Variants in TBL1X observed in about 807,000 individuals in gnomAD.
TBL1X encodes F-box-like/WD repeat-containing protein TBL1X.
Under a neutral mutation model 50.7 loss-of-function variants are expected in TBL1X, and 10 were observed. That is an observed-to-expected ratio of 0.20 (90% confidence interval 0.12 to 0.33). The LOEUF (loss-of-function observed/expected upper bound fraction) is 0.33. Among genes scored for constraint, TBL1X ranks in the 10% least tolerant of loss-of-function variants. The pLI is 1.00. For missense variants in TBL1X, 340 were observed against 504.4 expected, an observed-to-expected ratio of 0.67 and a Z score of 3.12; for synonymous variants, 190 against 214.7, an observed-to-expected ratio of 0.88 and a Z score of 1.01.
chrX:9,660,058 G>C (rs970491576), intron 5 of TBL1X, among the ~76,000 whole-genome samples: 4 of 112,720 alleles, frequency 3.5e-5, no homozygotes, highest in African/African-American at 1.3e-4. Flanking sequence ...AGCCTCATCA[G>C]CCCTCCGGTG....
At chrX:9,641,743 G>A (rs1201116371) in intron 3 of TBL1X, among the ~76,000 whole-genome samples, 2 of 112,551 alleles carry the variant, frequency 1.8e-5, no homozygotes, top group Non-Finnish European at 3.8e-5. Context: ...TTTTCACTCA[G>A]TATAATGTTT....
chrX:9,465,043 C>T (rs1277572356), upstream of TBL1X: 1 of 109,089 alleles, frequency 9.2e-6, no homozygotes, highest in African/African-American at 3.3e-5. Flanking sequence ...GGCGGTCCTC[C>T]TGGCTGGGGT....
intron 5 of TBL1X, among the ~76,000 whole-genome samples, chrX:9,675,946 G>A (rs2082991649): frequency 9.0e-6 from 1 of 110,717 alleles, no homozygotes; most frequent in Admixed American, 9.5e-5. Context: ...AAAGGGACTG[G>A]AAGAAATCCC....
At chrX:9,540,561 G>A (rs760395569) in intron 2 of TBL1X, among the ~76,000 whole-genome samples, 14 of 112,687 alleles carry the variant, frequency 1.2e-4, no homozygotes, top group Admixed American at 2.8e-4. Flanking sequence ...GCTTGTTAGC[G>A]CGGAGCTGGG....
At chrX:9,630,468 A>G (rs1232126177) in intron 2 of TBL1X, among the ~76,000 whole-genome samples, 3 of 112,367 alleles carry the variant, frequency 2.7e-5, no homozygotes, top group African/African-American at 9.7e-5. Context: ...TCCTATTTGC[A>G]TATAAACTAT....
intron 11 of TBL1X, among the ~76,000 whole-genome samples, chrX:9,695,618 A>T (rs945537720): frequency 1.8e-5 from 2 of 112,187 alleles, no homozygotes; most frequent in Non-Finnish European, 3.8e-5. Context: ...GGTACTGCCA[A>T]GATAGGAGGC....
intron 2 of TBL1X, among the ~76,000 whole-genome samples, chrX:9,522,697 G>A (rs1164502664): frequency 3.6e-5 from 4 of 111,803 alleles, no homozygotes; most frequent in Non-Finnish European, 7.5e-5. Context: ...ATTAATTAGT[G>A]AAGGAAAGCT....
chrX:9,589,710 G>A (rs764337056), intron 2 of TBL1X, among the ~76,000 whole-genome samples: 1 of 111,575 alleles, frequency 9.0e-6, no homozygotes, highest in African/African-American at 3.3e-5. Flanking sequence ...TACCCGTAAA[G>A]CAAACTATTT....
At position 9,697,498 on chromosome X, in the gene TBL1X, C is replaced by A; in HGVS notation, c.1114+69C>A. 3 of 1,190,116 alleles carry A rather than the reference C, an allele frequency of 2.5e-6. No individual in the cohort carries two copies. In the South Asian group the frequency reaches 5.5e-5, roughly 22 times the overall value. ...TCAAAAATAATAATTCAGGTCGAGC[C>A]CAGTGGCTTACGCCTGTAATCCCAG... is the stretch of plus-strand genomic sequence containing the variant. On this transcript the variant is annotated intron_variant, in intron 12 of 17. Transcript: ENST00000645353.
intron 2 of TBL1X, among the ~76,000 whole-genome samples, chrX:9,588,033 G>A (rs1005779335): frequency 4.5e-5 from 5 of 111,573 alleles, no homozygotes; most frequent in African/African-American, 1.6e-4. Flanking sequence ...TCATATCCAC[G>A]AGTTCTGCTT....
intron 2 of TBL1X, among the ~76,000 whole-genome samples, chrX:9,592,204 T>C (rs1601780430): frequency 8.9e-6 from 1 of 111,985 alleles, no homozygotes; most frequent in South Asian, 3.8e-4. Flanking sequence ...CTTCCCTTCA[T>C]TTATTTCCAT....
chrX:9,676,370 G>T (rs916042046), intron 5 of TBL1X, among the ~76,000 whole-genome samples: 1 of 111,949 alleles, frequency 8.9e-6, no homozygotes. Context: ...GCCCGCCATT[G>T]CCCTGGGAGG....
At chrX:9,629,082 T>A (rs1470850024) in intron 2 of TBL1X, among the ~76,000 whole-genome samples, 2 of 112,366 alleles carry the variant, frequency 1.8e-5, no homozygotes, top group South Asian at 3.7e-4. Context: ...TTCTTCTGCA[T>A]GTTAGTTGTC....
At chrX:9,715,947 G>T (rs1217249631) in intron 17 of TBL1X, among the ~76,000 whole-genome samples, 1 of 112,182 alleles carries the variant, frequency 8.9e-6, no homozygotes. Context: ...TGTCCCTTCT[G>T]GGACCTCTGC....
At chrX:9,601,562 GCCC>G (rs1000401718) in intron 2 of TBL1X, among the ~76,000 whole-genome samples, 1 of 110,700 alleles carries the variant, frequency 9.0e-6, no homozygotes, top group Non-Finnish European at 1.9e-5. Context: ...TTTCATCAGC[GCCC>G]CCCATTTTAC....
intron 1 of TBL1X, among the ~76,000 whole-genome samples, chrX:9,498,552 G>C (rs1372921508): frequency 2.7e-5 from 3 of 112,689 alleles, no homozygotes; most frequent in Non-Finnish European, 5.6e-5. Flanking sequence ...AGCCCTAGAG[G>C]GCTGAGCTGG....
At position 9,527,567 on chromosome X, in the gene TBL1X, T is replaced by G. The variant is rs756398480; in HGVS notation, c.-131+25718T>G. 2.8e-3 allele frequency among the ~76,000 whole-genome samples: 317 copies of G among 112,081 alleles called. 1 individual carries two copies. The highest frequency in any genetic ancestry group is 0.018 in the Middle Eastern group (4 of 218). On this transcript the variant is annotated intron_variant, in intron 2 of 17. Transcript: ENST00000645353. ...AACCTTATCTTCTCTGCTTTCTTGC[T>G]CCACCCCATATTTTGGTTTGTTTTT...
chrX:9,613,851 TG>T (rs2082625833), intron 2 of TBL1X, among the ~76,000 whole-genome samples: 2 of 108,297 alleles, frequency 1.8e-5, no homozygotes, highest in African/African-American at 6.8e-5. Context: ...CCGGGCATGG[TG>T]GGGCATGCTT....
At chrX:9,473,798 A>T (rs1299053591) in intron 1 of TBL1X, among the ~76,000 whole-genome samples, 1 of 112,509 alleles carries the variant, frequency 8.9e-6, no homozygotes, top group East Asian at 2.8e-4. Context: ...GTCTTAGGAT[A>T]CTTCAAAAAG....
Sources: allele counts gnomAD v4.1 joint callset (sites outside exome capture counted in the v4.1 genomes callset), GRCh38; gene constraint gnomAD v4.1.1; transcripts MANE v1.5; gene names NCBI Gene and HGNC (gene_info 2026-07-23, HGNC 2026-07-21).